Variants in DNAH7 observed in about 807,000 individuals in gnomAD.
DNAH7 encodes the protein axonemal beta dynein heavy chain 7.
In DNAH7, 397 loss-of-function variants were observed where a neutral mutation model predicts 444.6. The ratio of observed to expected loss-of-function variants is 0.89; its 90% CI spans 0.82 to 0.97. The LOEUF (loss-of-function observed/expected upper bound fraction) is 0.97, where lower values mean the gene tolerates loss of function less well. Ranked by LOEUF, DNAH7 falls within the 50% of genes least tolerant of loss-of-function variation. DNAH7 has a pLI of 0.00. For missense variants in DNAH7, 4,902 were observed against 4,800.8 expected (o/e 1.02, Z -0.62); for synonymous variants, 1,636 against 1,624.4 (o/e 1.01, Z -0.17).
chr2:195,898,966 G>T (rs1686526018), intron 28 of DNAH7, among the ~76,000 whole-genome samples: 1 of 152,130 alleles, frequency 6.6e-6, no homozygotes, highest in Admixed American at 6.5e-5. Flanking sequence ...CTACCACCAT[G>T]CATATAATTT....
In DNAH7 at chr2:195,740,862, G is replaced by T; in HGVS notation, c.11772C>A (p.Phe3924Leu). The change falls in exon 64 of 65, where the codon TTC (phenylalanine) becomes TTA (leucine). Residue 3924 changes from phenylalanine to leucine, a missense_variant. By Grantham distance (22) the Phe-to-Leu change is conservative. Transcript: ENST00000312428. ...CTCCATCCAGAAATAATCCGTGAAT[G>T]AAAACACCTAAATATAAAAGAAACA... Reference protein sequence around the residue: ...EYKHPPEDGVFIHGLFLDGAS... With the variant: ...EYKHPPEDGVLIHGLFLDGAS... 6.5e-7 allele frequency: 1 copy of T among 1,540,870 alleles called. No homozygotes were observed. The highest frequency in any genetic ancestry group is 8.7e-7 in the Non-Finnish European group (1 of 1,143,222).
chr2:195,812,733 T>TTGG (rs1394293846), intron 51 of DNAH7, among the ~76,000 whole-genome samples: 1 of 152,174 alleles, frequency 6.6e-6, no homozygotes, highest in African/African-American at 2.4e-5. Flanking sequence ...AATATTAAGA[T>TTGG]TCTAAAACAA....
In DNAH7 at chr2:196,047,473, T is replaced by TA; in HGVS notation, c.276_277insT (p.Lys93Ter). The TA allele has an allele frequency of 6.3e-7, 1 of 1,598,256 alleles. No homozygotes were observed. Among genetic ancestry groups the TA allele is most frequent in the Non-Finnish European group, 8.5e-7 (1 of 1,171,116 alleles). ...TCAACTTGGTGGGGTAATTTGCCCTTTTTTCCAAAACGTTCCATGTATTCA... is the reference window on the plus strand; with the variant it reads ...TCAACTTGGTGGGGTAATTTGCCCTTATTTTCCAAAACGTTCCATGTATTCA... On this transcript the variant is annotated frameshift_variant, in exon 5 of 65. Coordinates refer to ENST00000312428, the MANE Select transcript of DNAH7 (RefSeq NM_018897.3). LOFTEE classifies it high-confidence loss of function.
At chr2:196,053,977 C>T (rs1040215558) in intron 2 of DNAH7, among the ~76,000 whole-genome samples, 2 of 152,130 alleles carry the variant, frequency 1.3e-5, no homozygotes, top group African/African-American at 2.4e-5. Flanking sequence ...TAAGATGCAG[C>T]GCTACCTGAC....
chr2:195,825,364 A>G (rs1697688532), intron 48 of DNAH7, among the ~76,000 whole-genome samples: 1 of 152,168 alleles, frequency 6.6e-6, no homozygotes, highest in Non-Finnish European at 1.5e-5. Flanking sequence ...CTCCACACAT[A>G]GTTGAGACTA....
chr2:196,060,862 TTCAC>T (rs1041425296), intron 1 of DNAH7, among the ~76,000 whole-genome samples: 4 of 152,212 alleles, frequency 2.6e-5, no homozygotes, highest in Non-Finnish European at 4.4e-5. Flanking sequence ...GAATACTGTC[TTCAC>T]TCAATTTCCA....
chr2:196,057,257 T>C (rs557734488), intron 2 of DNAH7, among the ~76,000 whole-genome samples: 3 of 152,292 alleles, frequency 2.0e-5, no homozygotes, highest in African/African-American at 7.2e-5. Flanking sequence ...AGGTTTTAAA[T>C]CAGCCAACGA....
At chr2:195,761,148 T>A (rs866279927) in intron 61 of DNAH7, among the ~76,000 whole-genome samples, 27 of 150,902 alleles carry the variant, frequency 1.8e-4, no homozygotes, top group Middle Eastern at 3.4e-3. Flanking sequence ...AGATTGAGAT[T>A]TTTTTAAAAG....
At chr2:195,931,640 T>C (rs1368604393) in intron 21 of DNAH7, among the ~76,000 whole-genome samples, 1 of 152,106 alleles carries the variant, frequency 6.6e-6, no homozygotes, top group African/African-American at 2.4e-5. Context: ...TTTCTACATA[T>C]GGCTAGCCAG....
chr2:195,897,921 AACTG>A (rs1329677567), intron 28 of DNAH7, among the ~76,000 whole-genome samples, 156 bp from the exon 29 acceptor site: 3 of 152,176 alleles, frequency 2.0e-5, no homozygotes, highest in Non-Finnish European at 1.5e-5. Context: ...GAATTTTAGA[AACTG>A]ACATTTAAAC....
intron 17 of DNAH7, among the ~76,000 whole-genome samples, chr2:195,966,963 T>C (rs1691520291): frequency 1.3e-5 from 2 of 152,294 alleles, no homozygotes; most frequent in Middle Eastern, 3.4e-3. Flanking sequence ...AATATTATTA[T>C]TGATAAGTAA....
At position 195,995,919 on chromosome 2, in the gene DNAH7, T is replaced by C. The variant is rs1693666266; in HGVS notation, c.1353+4785A>G. On this transcript the variant is annotated intron_variant, in intron 12 of 64. Transcript: ENST00000312428. ...TGAATTTTAAGATTCTTTTTTCTGC[T>C]TCTGGGAAGAATGTCATTGGTATTT... Among the ~76,000 whole-genome samples the C allele has an allele frequency of 2.0e-5, 3 of 152,248 alleles. No homozygotes were observed. The South Asian group carries it at 6.2e-4, about 31-fold the overall frequency.
At chr2:195,859,816 C>G (rs1699918358) in intron 42 of DNAH7, among the ~76,000 whole-genome samples, 1 of 152,102 alleles carries the variant, frequency 6.6e-6, no homozygotes, top group African/African-American at 2.4e-5. Context: ...GTGCAACAAG[C>G]ATAGGAAAGG....
chr2:195,901,586 A>C (rs1321169540), intron 27 of DNAH7: 1 of 152,150 alleles, frequency 6.6e-6, no homozygotes, highest in Non-Finnish European at 1.5e-5. Flanking sequence ...TGGGTTTCTC[A>C]TCTGGGCTGC....
chr2:195,901,690 G>A (rs1185231117), intron 27 of DNAH7: 1 of 152,056 alleles, frequency 6.6e-6, no homozygotes, highest in African/African-American at 2.4e-5. Flanking sequence ...TTATGTTAGT[G>A]TTAGACAAAT....
chr2:195,997,191 T>A (rs765185327), intron 12 of DNAH7, among the ~76,000 whole-genome samples: 3 of 152,146 alleles, frequency 2.0e-5, no homozygotes, highest in Non-Finnish European at 4.4e-5. Flanking sequence ...CAGAATCGGA[T>A]ACTACGACTT....
chr2:195,782,814 TC>T (rs1695452700), intron 58 of DNAH7, among the ~76,000 whole-genome samples: 1 of 152,150 alleles, frequency 6.6e-6, no homozygotes, highest in Admixed American at 6.6e-5. Flanking sequence ...GCCCTCCATG[TC>T]TTCTGTTCTC....
intron 58 of DNAH7, among the ~76,000 whole-genome samples, chr2:195,784,365 T>TC (rs1239168160): frequency 1.3e-5 from 2 of 152,236 alleles, no homozygotes; most frequent in Admixed American, 6.5e-5. Context: ...CGCAGGCTTT[T>TC]TAGACTGTAT....
intron 34 of DNAH7, among the ~76,000 whole-genome samples, chr2:195,885,925 C>T (rs766674355): frequency 2.6e-5 from 4 of 152,156 alleles, no homozygotes; most frequent in Non-Finnish European, 1.5e-5. Flanking sequence ...CACTGGGCTC[C>T]GCCCGAACCT....
Sources: gnomAD v4.1 joint callset for allele counts (sites outside exome capture counted in the v4.1 genomes callset) on GRCh38, gnomAD v4.1.1 for gene constraint, MANE v1.5 for transcripts, NCBI Gene and HGNC (gene_info 2026-07-23, HGNC 2026-07-21) for gene names.